ROBO2: variants seen among roughly 807,000 people sequenced by gnomAD.
ROBO2 encodes the protein roundabout guidance receptor 2.
A neutral mutation model predicts 160.8 loss-of-function variants in ROBO2; 53 were observed. The observed-to-expected ratio is 0.33, with a 90% confidence interval of 0.26 to 0.41. The LOEUF (loss-of-function observed/expected upper bound fraction) is 0.41, where lower values mean the gene tolerates loss of function less well. ROBO2 is among the 10% of genes least tolerant of loss of function. The pLI is 1.00. For synonymous variants in ROBO2, 664 were observed against 611.7 expected (o/e 1.09, Z -1.26); for missense variants, 1,577 against 1,722.4 (o/e 0.92, Z 1.49).
intron 2 of ROBO2, among the ~76,000 whole-genome samples, chr3:76,655,451 T>TATATATATATATATATATATATATATAC: frequency 7.4e-6 from 1 of 135,656 alleles, no homozygotes; most frequent in Non-Finnish European, 1.6e-5. Context: ...TATATATATA[T>TATATATATATATATATATATATATATAC]ATATGGATTT....
intron 2 of ROBO2, among the ~76,000 whole-genome samples, chr3:76,093,610 T>G (rs999397704): frequency 2.0e-5 from 3 of 150,956 alleles, no homozygotes; most frequent in Non-Finnish European, 4.4e-5. Flanking sequence ...CCAACCTCAT[T>G]CTTTTTAAGA....
At chr3:76,625,150 G>A (rs2089536820) in intron 2 of ROBO2, among the ~76,000 whole-genome samples, 1 of 152,030 alleles carries the variant, frequency 6.6e-6, no homozygotes, top group Non-Finnish European at 1.5e-5. Context: ...CCAAAAAGGT[G>A]GATGTAAAAT....
At chr3:77,375,184 C>T (rs928286335) in intron 2 of ROBO2, among the ~76,000 whole-genome samples, 2 of 152,194 alleles carry the variant, frequency 1.3e-5, no homozygotes, top group Non-Finnish European at 2.9e-5. Flanking sequence ...TGTACCCCAG[C>T]CTGGGAAACA....
chr3:77,438,143 T>C (rs768442276), intron 2 of ROBO2, among the ~76,000 whole-genome samples: 2 of 140,034 alleles, frequency 1.4e-5, no homozygotes, highest in African/African-American at 2.5e-5. Flanking sequence ...GAAAATGTGC[T>C]TGCACGCTCT....
chr3:76,110,392 C>T (rs1326252236), intron 2 of ROBO2, among the ~76,000 whole-genome samples: 2 of 152,012 alleles, frequency 1.3e-5, no homozygotes, highest in Admixed American at 1.3e-4. Context: ...GATAGGAAGC[C>T]ATGCATTCTG....
chr3:77,568,118 C>A (rs2093538779), intron 12 of ROBO2, among the ~76,000 whole-genome samples, 195 bp from the exon 14 acceptor site: 1 of 151,866 alleles, frequency 6.6e-6, no homozygotes, highest in South Asian at 2.1e-4. Context: ...TAATAAAGAT[C>A]AATATCATCT....
rs1289559381 is a variant in ROBO2 at position 77,565,049 on chromosome 3, T to A, written c.1778T>A (p.Phe593Tyr). Residue 593 changes from phenylalanine to tyrosine, a missense_variant, in exon 12 of 26, where the codon TTC becomes TAC. Physicochemically the swap from Phe to Tyr is conservative, Grantham distance 22. This residue lies in a region of ROBO2 where 940 missense variants were observed against 1,135.5 expected (regional missense o/e 0.83). Transcript: ENST00000461745. ...CTGCGGCCCAATACAATCTACTTAT[T>A]CATGGTCAGAGCGATCAACCCCCAA... The A allele has an allele frequency of 1.2e-5, 19 of 1,613,690 alleles. No homozygotes were observed. The highest frequency in any genetic ancestry group is 3.3e-5 in the Admixed American group (2 of 59,922).
At chr3:76,561,381 T>C (rs1466754355) in intron 2 of ROBO2, among the ~76,000 whole-genome samples, 1 of 152,134 alleles carries the variant, frequency 6.6e-6, no homozygotes, top group African/African-American at 2.4e-5. Context: ...CCTTAAATTG[T>C]TATCATCTCA....
chr3:76,619,288 C>T (rs1036919260), intron 2 of ROBO2, among the ~76,000 whole-genome samples: 5 of 148,934 alleles, frequency 3.4e-5, no homozygotes, highest in Admixed American at 6.7e-5. Context: ...TGCAGTGAGC[C>T]GAGATCGCGC....
At chr3:76,955,561 T>TTA (rs1257253630) in intron 2 of ROBO2, among the ~76,000 whole-genome samples, 1 of 152,150 alleles carries the variant, frequency 6.6e-6, no homozygotes, top group Admixed American at 6.5e-5. Context: ...GTGTGAAGTG[T>TTA]TATGCATTGT....
At chr3:76,917,593 T>C (rs2076403177) in intron 2 of ROBO2, among the ~76,000 whole-genome samples, 1 of 152,178 alleles carries the variant, frequency 6.6e-6, no homozygotes, top group Non-Finnish European at 1.5e-5. Context: ...GTTTTTGGAT[T>C]CTATAACAAT....
chr3:76,019,314 G>GAATTGGCT (rs1223320290), intron 2 of ROBO2, among the ~76,000 whole-genome samples: 4 of 150,478 alleles, frequency 2.7e-5, no homozygotes, highest in Non-Finnish European at 5.9e-5. Context: ...GTATTCCTTG[G>GAATTGGCT]AATTGGCTAA....
intron 2 of ROBO2, among the ~76,000 whole-genome samples, chr3:76,660,848 G>A (rs1196001482): frequency 6.6e-6 from 1 of 152,030 alleles, no homozygotes; most frequent in Non-Finnish European, 1.5e-5. Context: ...AATGTTTATG[G>A]ACTTATTCAC....
At chr3:76,184,041 C>A (rs531016969) in intron 2 of ROBO2, among the ~76,000 whole-genome samples, 2 of 152,102 alleles carry the variant, frequency 1.3e-5, no homozygotes, top group South Asian at 4.1e-4. Flanking sequence ...TTCAATCTTT[C>A]ATTTGTGTGT....
chr3:76,147,118 A>C (rs896260936), intron 2 of ROBO2, among the ~76,000 whole-genome samples: 2 of 151,762 alleles, frequency 1.3e-5, no homozygotes, highest in Admixed American at 6.6e-5. Flanking sequence ...AACTTAAAAG[A>C]AAAGTTAAAA....
chr3:76,265,291 C>T (rs1350772705), intron 2 of ROBO2, among the ~76,000 whole-genome samples: 1 of 152,158 alleles, frequency 6.6e-6, no homozygotes, highest in Non-Finnish European at 1.5e-5. Flanking sequence ...TAGGTGTCCT[C>T]AGCCTTTCCT....
intron 2 of ROBO2, among the ~76,000 whole-genome samples, chr3:76,667,589 T>C (rs183365038): frequency 8.7e-4 from 132 of 152,212 alleles, no homozygotes; most frequent in South Asian, 4.1e-3. Context: ...ACAACATTAA[T>C]TTGACATATT....
intron 22 of ROBO2, chr3:77,618,055 G>A (rs1264605166): frequency 2.3e-6 from 1 of 439,506 alleles, no homozygotes; most frequent in Non-Finnish European, 4.1e-6. Context: ...CAAATCTGCT[G>A]TATTTCAGGC....
chr3:77,250,402 G>A (rs1230231278), intron 2 of ROBO2, among the ~76,000 whole-genome samples: 1 of 152,108 alleles, frequency 6.6e-6, no homozygotes, highest in African/African-American at 2.4e-5. Context: ...TTCATAAATG[G>A]AAATGCCTTT....
Sources: allele counts gnomAD v4.1 joint callset (sites outside exome capture counted in the v4.1 genomes callset), GRCh38; gene constraint gnomAD v4.1.1; regional missense constraint gnomAD v4.1.1; transcripts MANE v1.5; gene names NCBI Gene and HGNC (gene_info 2026-07-23, HGNC 2026-07-21).